The following NCOR1 variants were observed in gnomAD, a reference collection of about 807,000 sequenced individuals.
NCOR1 encodes protein phosphatase 1, regulatory subunit 109.
NCOR1 carries 63 observed loss-of-function variants against 288.1 expected under a neutral mutation model. The ratio of observed to expected loss-of-function variants is 0.22; its 90% confidence interval spans 0.18 to 0.27. NCOR1 has a LOEUF of 0.27. NCOR1 is among the 10% of genes least tolerant of loss of function. NCOR1 has a pLI of 1.00. For synonymous variants in NCOR1, 1,007 were observed against 1,065.9 expected, an observed-to-expected ratio of 0.94 and a Z score of 1.08; for missense variants, 2,397 against 3,019.2, an observed-to-expected ratio of 0.79 and a Z score of 4.83.
chr17:16,163,159 G>GA (rs1427498472), intron 5 of NCOR1, among the ~76,000 whole-genome samples: 1 of 151,840 alleles, frequency 6.6e-6, no homozygotes, highest in East Asian at 1.9e-4. Context: ...GTGACAAAAG[G>GA]AAAAAACAAA....
chr17:16,153,287 T>G, intron 7 of NCOR1, 52 bp downstream of exon 7: 1 of 1,314,086 alleles, frequency 7.6e-7, no homozygotes, highest in East Asian at 2.3e-5. Flanking sequence ...CAAGAAAAAC[T>G]ACCACCAAAA....
chr17:16,069,455 T>C (rs2061495308), intron 31 of NCOR1, among the ~76,000 whole-genome samples: 1 of 152,104 alleles, frequency 6.6e-6, no homozygotes, highest in Non-Finnish European at 1.5e-5. Context: ...AAATTTGTAT[T>C]ATAATAAAAA....
At position 16,080,066 on chromosome 17, in the gene NCOR1, T is replaced by A. The variant is rs562300336; in HGVS notation, c.3401-2A>T. On this transcript the variant is annotated splice_acceptor_variant, in intron 25 of 45. Transcript: ENST00000268712. LOFTEE classifies it high-confidence loss of function. ...CTTCTTGTATGGCTCCTGCGGTACC[T>A]GAATACAAACAAAGCTATTAGCAAA... The A allele has an allele frequency of 6.2e-7, 1 of 1,612,814 alleles. No homozygotes were observed. Among genetic ancestry groups the A allele is most frequent in the African/African-American group, 1.3e-5 (1 of 74,848 alleles).
intron 15 of NCOR1, among the ~76,000 whole-genome samples, chr17:16,123,884 C>T (rs898948193): frequency 6.6e-6 from 1 of 152,154 alleles, no homozygotes. Context: ...TCATGAACTA[C>T]CTGGGAATAG....
intron 3 of NCOR1, among the ~76,000 whole-genome samples, chr17:16,178,409 G>A (rs1006244413): frequency 2.9e-5 from 4 of 140,262 alleles, no homozygotes; most frequent in Non-Finnish European, 4.5e-5. Context: ...TAAGGCAGGA[G>A]AATTGCTTGA....
chr17:16,145,430 CCGCCCATCGTCTGGGATGTGGGG>C (rs879303717), intron 10 of NCOR1, among the ~76,000 whole-genome samples: 2,332 of 146,550 alleles, frequency 0.016, 85 homozygotes, highest in Non-Finnish European at 0.024. Flanking sequence ...CTCTGCCCGG[CCGCCCATCGTCTGGGATGTGGGG>C]AGTGCCTCGG....
Position 16,048,991 on chromosome 17 carries a change from A to G in NCOR1, c.6393-3T>C, listed in dbSNP as rs749034269. 1.2e-6 allele frequency: 2 copies of G among 1,600,104 alleles called. No individual in the cohort carries two copies. Among genetic ancestry groups the G allele is most frequent in the Admixed American group, 3.4e-5 (2 of 59,172 alleles). On this transcript the variant is annotated splice_region_variant and splice_polypyrimidine_tract_variant and intron_variant, in intron 40 of 45. Coordinates refer to ENST00000268712, the MANE Select transcript of NCOR1 (RefSeq NM_006311.4). ...TCTCTGGGGATTTTCCAGGCCTACT[A>G]TTGTAATATGTGAAATATTAGATTG...
chr17:16,048,158 G>A (rs1280623237), intron 41 of NCOR1, among the ~76,000 whole-genome samples: 1 of 152,216 alleles, frequency 6.6e-6, no homozygotes, highest in African/African-American at 2.4e-5. Context: ...GGCTTTCAGC[G>A]CATCAGTGGA....
At chr17:16,061,307 G>T (rs1192811238) in intron 37 of NCOR1, 94 bp downstream of exon 37, 5 of 1,432,824 alleles carry the variant, frequency 3.5e-6, no homozygotes, top group Non-Finnish European at 4.7e-6. Context: ...CAACCGTTAG[G>T]ATTTTTAAAT....
intron 40 of NCOR1, among the ~76,000 whole-genome samples, chr17:16,054,070 T>TAAAA (rs752015595): frequency 4.2e-5 from 3 of 72,110 alleles, no homozygotes; most frequent in East Asian, 7.3e-4. Flanking sequence ...GACTTAAATG[T>TAAAA]AAAAAAAAAA....
rs563330400 is a variant in NCOR1 at position 16,191,018 on chromosome 17, C to A, written c.108+3444G>T. 2.0e-5 allele frequency among the ~76,000 whole-genome samples: 3 copies of A among 152,334 alleles called. No individual in the cohort carries two copies. In the South Asian group the frequency reaches 6.2e-4, roughly 32 times the overall value. On this transcript the variant is annotated intron_variant, in intron 2 of 45. Coordinates refer to ENST00000268712, the MANE Select transcript of NCOR1 (RefSeq NM_006311.4). ...ACAAGGTTTGGATAAGCCATAGGAA[C>A]TGAACTTCCAGAAGTTAGTTTCAAA...
At chr17:16,215,189 C>A (rs2092449480) in intron 1 of NCOR1, among the ~76,000 whole-genome samples, 173 bp downstream of exon 1, 1 of 152,244 alleles carries the variant, frequency 6.6e-6, no homozygotes, top group South Asian at 2.1e-4. Context: ...CTCTCCTGGG[C>A]TGCCGAGTGG....
rs1206057031 is a variant in NCOR1, at chr17:16,127,183, CTGTATGTATATATACA to C, written c.1510-993_1510-978del. Among the ~76,000 whole-genome samples, 3 of 125,658 alleles carry C rather than the reference CTGTATGTATATATACA, an allele frequency of 2.4e-5. 1 individual carries two copies. Among genetic ancestry groups the C allele is most frequent in the Non-Finnish European group, 4.7e-5 (3 of 63,980 alleles). The allele number at this position is 125,658 out of a possible 152,430, so 82.4% of individuals were successfully genotyped here. On this transcript the variant is annotated intron_variant, in intron 14 of 45. Coordinates refer to ENST00000268712, the MANE Select transcript of NCOR1 (RefSeq NM_006311.4). ...TGTATATATACATGTATGTATATAT[CTGTATGTATATATACA>C]TGTATGTATATATCTGTATGTATAT...
intron 10 of NCOR1, among the ~76,000 whole-genome samples, chr17:16,144,666 T>A (rs1233010178): frequency 6.6e-6 from 1 of 152,130 alleles, no homozygotes; most frequent in Non-Finnish European, 1.5e-5. Context: ...AACATAAAAA[T>A]TCTTTATAAA....
chr17:16,171,614 G>A (rs1427150384), intron 4 of NCOR1, among the ~76,000 whole-genome samples, 189 bp downstream of exon 4: 3 of 152,156 alleles, frequency 2.0e-5, no homozygotes, highest in Non-Finnish European at 4.4e-5. Flanking sequence ...AAAGGCAAAA[G>A]TGCTCACTTT....
intron 40 of NCOR1, among the ~76,000 whole-genome samples, chr17:16,055,709 T>C (rs937473148): frequency 5.9e-5 from 9 of 152,222 alleles, no homozygotes; most frequent in Non-Finnish European, 7.3e-5. Flanking sequence ...TGAAAATCAG[T>C]TGATGCTGTT....
At position 16,062,701 on chromosome 17, in the gene NCOR1, A is replaced by G. The variant is rs116778428; in HGVS notation, c.5222-431T>C. ...AATGAAAATAATATACCACTGCTAC[A>G]CTAGGGTTTGAGACTGTTTCATTCA... On this transcript the variant is annotated intron_variant, in intron 35 of 45. Coordinates refer to ENST00000268712, the MANE Select transcript of NCOR1 (RefSeq NM_006311.4). 2.7e-3 allele frequency among the ~76,000 whole-genome samples: 408 copies of G among 152,314 alleles called. 2 individuals carry two copies. The highest frequency in any genetic ancestry group is 9.4e-3 in the African/African-American group (390 of 41,550).
At chr17:16,038,657 C>T (rs1037498264) in intron 44 of NCOR1, among the ~76,000 whole-genome samples, 3 of 152,104 alleles carry the variant, frequency 2.0e-5, no homozygotes, top group Non-Finnish European at 4.4e-5. Context: ...AGGCTGGTCT[C>T]AAACTCCTGA....
chr17:16,188,622 A>AT (rs576750692), intron 2 of NCOR1, among the ~76,000 whole-genome samples: 2 of 151,528 alleles, frequency 1.3e-5, no homozygotes, highest in Non-Finnish European at 1.5e-5. Flanking sequence ...AAAAAAAAAA[A>AT]TTTTTTTTTC....
Sources: allele counts gnomAD v4.1 joint callset (sites outside exome capture counted in the v4.1 genomes callset), GRCh38; gene constraint gnomAD v4.1.1; transcripts MANE v1.5; gene names NCBI Gene and HGNC (gene_info 2026-07-23, HGNC 2026-07-21).